The following ADGRB3 variants were observed in gnomAD, a reference collection of about 807,000 sequenced individuals.
ADGRB3 encodes brain-specific angiogenesis inhibitor 3.
A neutral mutation model predicts 193.4 loss-of-function variants in ADGRB3; 37 were observed. That is an observed-to-expected ratio of 0.19 (90% CI 0.15 to 0.25). ADGRB3 has a LOEUF of 0.25. Among genes scored for constraint, ADGRB3 ranks in the 10% least tolerant of loss-of-function variants. The pLI, the probability that ADGRB3 is intolerant of heterozygous loss-of-function variation, is 1.00. For missense variants in ADGRB3, 1,637 were observed against 1,852.9 expected (o/e 0.88, Z 2.14); for synonymous variants, 690 against 644.2 (o/e 1.07, Z -1.08).
chr6:69,045,740 GT>G (rs1771215795), intron 13 of ADGRB3, among the ~76,000 whole-genome samples: 1 of 152,058 alleles, frequency 6.6e-6, no homozygotes, highest in Non-Finnish European at 1.5e-5. Context: ...CACTTAGAAT[GT>G]GTACATACTT....
At chr6:68,959,290 T>G (rs934309158) in intron 8 of ADGRB3, among the ~76,000 whole-genome samples, 1 of 152,170 alleles carries the variant, frequency 6.6e-6, no homozygotes, top group African/African-American at 2.4e-5. Context: ...ACAATATAAA[T>G]TGAGAAAACT....
intron 26 of ADGRB3, among the ~76,000 whole-genome samples, chr6:69,351,964 C>T (rs546372784): frequency 6.6e-6 from 1 of 152,166 alleles, no homozygotes; most frequent in East Asian, 1.9e-4. Flanking sequence ...CTTCATGAGA[C>T]AAGCTCCCAG....
At position 68,638,986 on chromosome 6, in the gene ADGRB3, A is replaced by G. The variant is rs756724848; in HGVS notation, c.311A>G (p.Lys104Arg). 24 of 1,613,756 alleles carry G rather than the reference A, an allele frequency of 1.5e-5. No homozygotes were observed. Among genetic ancestry groups the G allele is most frequent in the South Asian group, 1.2e-4 (11 of 91,050 alleles). Reference sequence around the variant, plus strand: ...GAAAAAATAAAGGATCTTTTAAGAAAGAATCATTCTATAATGCAACTCTGC... The same window carrying G: ...GAAAAAATAAAGGATCTTTTAAGAAGGAATCATTCTATAATGCAACTCTGC... ...SHEKIKDLLR[K>R]NHSIMQLCNS... The change falls in exon 3 of 32, where the codon AAG (lysine) becomes AGG (arginine). Residue 104 changes from lysine to arginine, a missense_variant. Physicochemically the swap from Lys to Arg is conservative, Grantham distance 26. Around this residue, in one of 7 missense-constraint regions of ADGRB3, gnomAD observed 365 missense variants for 409.8 expected, o/e 0.89. Transcript: ENST00000370598.
intron 17 of ADGRB3, among the ~76,000 whole-genome samples, chr6:69,210,914 G>C (rs1001156791): frequency 6.6e-6 from 1 of 151,516 alleles, no homozygotes; most frequent in Non-Finnish European, 1.5e-5. Flanking sequence ...AGGAGATCGA[G>C]ACAATCCTGG....
chr6:69,336,110 CT>C (rs1000530014), intron 24 of ADGRB3, among the ~76,000 whole-genome samples: 1 of 151,700 alleles, frequency 6.6e-6, no homozygotes, highest in African/African-American at 2.4e-5. Flanking sequence ...CACAGATAAA[CT>C]TGTGTCTCAG....
At chr6:69,094,986 C>A (rs1772832459) in intron 17 of ADGRB3, among the ~76,000 whole-genome samples, 1 of 152,172 alleles carries the variant, frequency 6.6e-6, no homozygotes, top group Non-Finnish European at 1.5e-5. Flanking sequence ...AAGATATGGA[C>A]CTAATAGAAG....
intron 20 of ADGRB3, among the ~76,000 whole-genome samples, chr6:69,255,705 G>A (rs1379162457): frequency 3.3e-5 from 5 of 151,906 alleles, no homozygotes; most frequent in African/African-American, 7.3e-5. Flanking sequence ...TCTTTAGTTT[G>A]ATTAGATCCC....
At chr6:69,372,294 TA>T in intron 29 of ADGRB3, 111 bp from the exon 30 acceptor site, 1 of 529,372 alleles carries the variant, frequency 1.9e-6, no homozygotes, top group Non-Finnish European at 3.2e-6. Flanking sequence ...AGGAAATATG[TA>T]TAAAACAAGC....
At chr6:68,983,116 T>C (rs1489260983) in intron 10 of ADGRB3, among the ~76,000 whole-genome samples, 2 of 152,138 alleles carry the variant, frequency 1.3e-5, no homozygotes, top group African/African-American at 4.8e-5. Context: ...TTAAATTGTA[T>C]TATAAAAAAG....
At chr6:68,827,901 A>G (rs1451530270) in intron 3 of ADGRB3, among the ~76,000 whole-genome samples, 7 of 152,140 alleles carry the variant, frequency 4.6e-5, no homozygotes, top group African/African-American at 1.2e-4. Context: ...CTCGTGTCCA[A>G]TGGAACTTAC....
At chr6:69,010,528 A>G (rs570120524) in intron 11 of ADGRB3, among the ~76,000 whole-genome samples, 2 of 152,102 alleles carry the variant, frequency 1.3e-5, no homozygotes, top group Non-Finnish European at 2.9e-5. Context: ...GCCATGCATC[A>G]GATACTGTGT....
chr6:68,741,659 A>G (rs1765985019), intron 3 of ADGRB3, among the ~76,000 whole-genome samples: 1 of 152,174 alleles, frequency 6.6e-6, no homozygotes, highest in African/African-American at 2.4e-5. Flanking sequence ...AAGTTCTGAG[A>G]CTACAGGCTT....
intron 3 of ADGRB3, among the ~76,000 whole-genome samples, chr6:68,790,558 C>T (rs1767082528): frequency 1.3e-5 from 2 of 152,120 alleles, no homozygotes; most frequent in South Asian, 4.1e-4. Flanking sequence ...AGACTGACAC[C>T]TCACATGGCC....
chr6:69,040,357 C>CTTT (rs879270022), intron 13 of ADGRB3, among the ~76,000 whole-genome samples: 1 of 63,178 alleles, frequency 1.6e-5, no homozygotes, highest in Admixed American at 2.1e-4. Flanking sequence ...TTCTTTCTTT[C>CTTT]TTTCTTTCTT....
chr6:68,907,636 A>T (rs766892946), intron 3 of ADGRB3, among the ~76,000 whole-genome samples: 9 of 151,954 alleles, frequency 5.9e-5, no homozygotes, highest in Admixed American at 2.0e-4. Context: ...TATTTCTCTC[A>T]ATGATTTCCC....
chr6:68,656,681 T>G (rs1267830632), intron 3 of ADGRB3, among the ~76,000 whole-genome samples: 1 of 151,522 alleles, frequency 6.6e-6, no homozygotes, highest in East Asian at 1.9e-4. Context: ...GATATTCTGT[T>G]AGGAAAACAT....
At chr6:68,838,769 C>CA (rs1475542134) in intron 3 of ADGRB3, among the ~76,000 whole-genome samples, 2 of 152,162 alleles carry the variant, frequency 1.3e-5, no homozygotes, top group Non-Finnish European at 2.9e-5. Flanking sequence ...TATGCTGTTT[C>CA]AGCTAAATTC....
At chr6:69,348,493 CAAAAA>C (rs5877205) in intron 26 of ADGRB3, among the ~76,000 whole-genome samples, 4 of 114,860 alleles carry the variant, frequency 3.5e-5, no homozygotes, top group South Asian at 3.1e-4. Context: ...CTAAAAAATG[CAAAAA>C]AAAAAAAAAA....
intron 17 of ADGRB3, among the ~76,000 whole-genome samples, chr6:69,131,712 G>A (rs1263459526): frequency 6.6e-6 from 1 of 151,822 alleles, no homozygotes; most frequent in South Asian, 2.1e-4. Context: ...ATGCCATGGT[G>A]GTTTGCTACA....
Sources: gnomAD v4.1 joint callset for allele counts (sites outside exome capture counted in the v4.1 genomes callset) on GRCh38, gnomAD v4.1.1 for gene constraint, gnomAD v4.1.1 regional missense constraint, MANE v1.5 for transcripts, NCBI Gene and HGNC (gene_info 2026-07-23, HGNC 2026-07-21) for gene names.